Variants in ZNRF1 observed in about 807,000 individuals in gnomAD.
The protein encoded by ZNRF1 is E3 ubiquitin-protein ligase ZNRF1.
Under a neutral mutation model 18.4 loss-of-function variants are expected in ZNRF1, and 3 were observed. The ratio of observed to expected loss-of-function variants is 0.16; its 90% CI spans 0.07 to 0.42. The LOEUF is 0.42. Among genes scored for constraint, ZNRF1 ranks in the 10% least tolerant of loss-of-function variants. ZNRF1 has a pLI of 0.99. For missense variants in ZNRF1, 310 were observed against 329.8 expected (o/e 0.94, Z 0.47); for synonymous variants, 157 against 144.2 (o/e 1.09, Z -0.64).
rs540985993 is a variant in ZNRF1, at chr16:75,023,893, CAG to C, written c.424+23801_424+23802del. On this transcript the variant is annotated intron_variant, in intron 1 of 4. Transcript: ENST00000335325. ...TTTATTTTCTTTTTTTTTTTTGAGA[CAG>C]AGTCTTACTCTGTCACCCATGCTGG... is the stretch of plus-strand genomic sequence containing the variant. 4.8e-4 allele frequency among the ~76,000 whole-genome samples: 71 copies of C among 148,924 alleles called. 1 individual carries two copies. The highest frequency in any genetic ancestry group is 1.8e-3 in the African/African-American group (71 of 40,522).
chr16:75,066,573 G>C (rs893909671), intron 1 of ZNRF1, among the ~76,000 whole-genome samples: 1 of 152,180 alleles, frequency 6.6e-6, no homozygotes, highest in African/African-American at 2.4e-5. Context: ...CGCGATGTCA[G>C]GTTACCGCAA....
At chr16:75,035,081 G>T (rs2035360013) in intron 1 of ZNRF1, among the ~76,000 whole-genome samples, 1 of 151,912 alleles carries the variant, frequency 6.6e-6, no homozygotes, top group East Asian at 1.9e-4. Context: ...CAGTGCGTGA[G>T]TTCCAATTTC....
At chr16:75,093,384 CAAA>C (rs574718849) in intron 1 of ZNRF1, among the ~76,000 whole-genome samples, 185 bp from the exon 2 acceptor site, 2 of 67,904 alleles carry the variant, frequency 2.9e-5, no homozygotes, top group African/African-American at 4.9e-5. Context: ...GACTTCGTCT[CAAA>C]AAAAAAAAAA....
chr16:75,075,099 T>A (rs1344616945), intron 1 of ZNRF1, among the ~76,000 whole-genome samples: 1 of 12,772 alleles, frequency 7.8e-5, no homozygotes. Flanking sequence ...CAGGTGGGGG[T>A]GGGTGGGAGG....
At chr16:75,029,272 A>G (rs906842856) in intron 1 of ZNRF1, among the ~76,000 whole-genome samples, 5 of 151,890 alleles carry the variant, frequency 3.3e-5, no homozygotes, top group Admixed American at 2.6e-4. Flanking sequence ...TCAGCCACCC[A>G]GGTAGCTGGG....
At chr16:75,059,212 T>C (rs1187583245) in intron 1 of ZNRF1, among the ~76,000 whole-genome samples, 2 of 150,508 alleles carry the variant, frequency 1.3e-5, no homozygotes, top group Admixed American at 6.7e-5. Flanking sequence ...TTTCCTTCCT[T>C]CTTTCCTTCT....
intron 2 of ZNRF1, among the ~76,000 whole-genome samples, chr16:75,097,062 G>C (rs932770536): frequency 6.6e-6 from 1 of 152,306 alleles, no homozygotes; most frequent in Admixed American, 6.5e-5. Flanking sequence ...GTATAAGAGG[G>C]AGGGGGTTCG....
chr16:75,068,188 TAAAAAAAAAA>T (rs57755915), intron 1 of ZNRF1, among the ~76,000 whole-genome samples: 20 of 88,952 alleles, frequency 2.2e-4, no homozygotes, highest in East Asian at 7.2e-4. Context: ...GACCTTGTCT[TAAAAAAAAAA>T]AAAAAAAAAA....
Position 75,030,489 on chromosome 16 carries a change from G to A in ZNRF1, c.424+30394G>A, listed in dbSNP as rs572300499. Among the ~76,000 whole-genome samples, 6 of 152,160 alleles carry A rather than the reference G, an allele frequency of 3.9e-5. No individual in the cohort carries two copies. In the East Asian group the frequency reaches 1.2e-3, roughly 29 times the overall value. Reference sequence around the variant, plus strand: ...AGAGAAAAAAACTATAAAACTCTTAGAAGGAAATGTAGTTGGAAATCTTAC... The same window carrying A: ...AGAGAAAAAAACTATAAAACTCTTAAAAGGAAATGTAGTTGGAAATCTTAC... On this transcript the variant is annotated intron_variant, in intron 1 of 4. Coordinates refer to ENST00000335325, the MANE Select transcript of ZNRF1 (RefSeq NM_032268.5).
intron 2 of ZNRF1, among the ~76,000 whole-genome samples, chr16:75,099,185 G>A (rs2036230093): frequency 6.6e-6 from 1 of 152,230 alleles, no homozygotes; most frequent in African/African-American, 2.4e-5. Context: ...TCACCACTTA[G>A]CAGCTGCATG....
chr16:75,026,214 C>T (rs767889367), intron 1 of ZNRF1, among the ~76,000 whole-genome samples: 1 of 151,910 alleles, frequency 6.6e-6, no homozygotes, highest in Non-Finnish European at 1.5e-5. Flanking sequence ...TTTAAACGAA[C>T]ATTTAAAATA....
chr16:75,010,072 C>A (rs1274975378), intron 1 of ZNRF1, among the ~76,000 whole-genome samples: 2 of 151,904 alleles, frequency 1.3e-5, no homozygotes, highest in Non-Finnish European at 2.9e-5. Context: ...AACCTCTGCC[C>A]CCCGGGTTCA....
chr16:75,079,568 A>G (rs894864599), intron 1 of ZNRF1, among the ~76,000 whole-genome samples: 1 of 152,144 alleles, frequency 6.6e-6, no homozygotes, highest in Non-Finnish European at 1.5e-5. Context: ...TGTGGTCACC[A>G]TAGCCCTGGG....
intron 1 of ZNRF1, among the ~76,000 whole-genome samples, chr16:75,066,663 C>T (rs974485376): frequency 1.7e-4 from 26 of 152,036 alleles, no homozygotes; most frequent in Non-Finnish European, 1.8e-4. Context: ...CCACCATGCC[C>T]GGCTAATTTT....
intron 1 of ZNRF1, among the ~76,000 whole-genome samples, chr16:75,092,962 C>T (rs1441416305): frequency 6.6e-6 from 1 of 152,126 alleles, no homozygotes; most frequent in East Asian, 1.9e-4. Context: ...TCCACCAGAC[C>T]CATCTGAGAA....
At chr16:75,028,601 ACTT>A in intron 1 of ZNRF1, among the ~76,000 whole-genome samples, 1 of 152,330 alleles carries the variant, frequency 6.6e-6, no homozygotes, top group South Asian at 2.1e-4. Flanking sequence ...GGCCCCTGCT[ACTT>A]CTTTTAAGAC....
chr16:75,010,701 G>GT lies in ZNRF1; in HGVS notation c.424+10615dup, dbSNP rs1334552920. ...AAATTAGTCACCTCTGTACTGTACT[G>GT]TTTTTTTTTGTTTTTTTGTTTTTTT... On this transcript the variant is annotated intron_variant, in intron 1 of 4. Coordinates refer to ENST00000335325, the MANE Select transcript of ZNRF1 (RefSeq NM_032268.5). Among the ~76,000 whole-genome samples, 196 of 63,792 alleles carry GT rather than the reference G, an allele frequency of 3.1e-3. 2 individuals carry two copies. Among genetic ancestry groups the GT allele is most frequent in the Middle Eastern group, 0.026 (2 of 78 alleles). 41.9% of individuals were successfully genotyped at this position (63,792 alleles called of 152,430 possible).
At chr16:75,095,458 C>G in intron 2 of ZNRF1, 1 of 839,060 alleles carries the variant, frequency 1.2e-6, no homozygotes, top group Non-Finnish European at 1.7e-6. Context: ...AGGAGCCTTC[C>G]CTGCGTCTCA....
chr16:75,049,427 G>C (rs2145371058), intron 1 of ZNRF1, among the ~76,000 whole-genome samples: 1 of 145,510 alleles, frequency 6.9e-6, no homozygotes, highest in South Asian at 2.2e-4. Context: ...TCCAAGCTCA[G>C]GCAATTCTCC....
Sources: allele counts gnomAD v4.1 joint callset (sites outside exome capture counted in the v4.1 genomes callset), GRCh38; gene constraint gnomAD v4.1.1; transcripts MANE v1.5; gene names NCBI Gene and HGNC (gene_info 2026-07-23, HGNC 2026-07-21).